Variants in DLGAP1 observed in about 807,000 individuals in gnomAD.
DLGAP1 encodes DLG associated protein 1.
Under a neutral mutation model 90.8 loss-of-function variants are expected in DLGAP1, and 11 were observed. That is an observed-to-expected ratio of 0.12 (90% CI 0.08 to 0.20). The LOEUF is 0.20. Ranked by LOEUF, DLGAP1 falls within the 10% of genes least tolerant of loss-of-function variation. The pLI is 1.00. For synonymous variants in DLGAP1, 558 were observed against 540.7 expected, an observed-to-expected ratio of 1.03 and a Z score of -0.44; for missense variants, 1,050 against 1,333.8, an observed-to-expected ratio of 0.79 and a Z score of 3.31.
At position 4,454,006 on chromosome 18, in the gene DLGAP1, G is replaced by GC. The variant is rs944473050; in HGVS notation, c.-267+999dup. ...GGTCGGGCTGGAGGCAAGCCCTGCA[G>GC]CCGGGGGCGAGCGCGGCACTCGGAC... On this transcript the variant is annotated intron_variant, in intron 1 of 12. Coordinates refer to ENST00000315677, the MANE Select transcript of DLGAP1 (RefSeq NM_004746.4). This position sits in a 1 kb window ranked among gnomAD's most constrained non-coding sequence, Gnocchi z 4.7. 3.5e-4 allele frequency among the ~76,000 whole-genome samples: 54 copies of GC among 152,228 alleles called. 1 individual carries two copies. The highest frequency in any genetic ancestry group is 3.2e-3 in the Admixed American group (49 of 15,290).
chr18:4,122,502 G>A (rs1043052208), intron 2 of DLGAP1, among the ~76,000 whole-genome samples: 8 of 152,192 alleles, frequency 5.3e-5, no homozygotes, highest in African/African-American at 1.7e-4. Flanking sequence ...TAGTCATGAG[G>A]TCTAACCTCA....
intron 2 of DLGAP1, among the ~76,000 whole-genome samples, chr18:4,100,939 G>A (rs1419144741): frequency 1.3e-5 from 2 of 152,118 alleles, no homozygotes; most frequent in Non-Finnish European, 2.9e-5. Context: ...TTGGCTTAAG[G>A]GAATGTTGTG....
At position 4,412,794 on chromosome 18, in the gene DLGAP1, A is replaced by G. The variant is rs373819899; in HGVS notation, c.-267+42212T>C. ...CAGAGAAGTGAACACGATAGAGTAT[A>G]GATTCCAGGATACACAAAGGCCAGC... On this transcript the variant is annotated intron_variant, in intron 1 of 12. Transcript: ENST00000315677. Among the ~76,000 whole-genome samples, 12 of 152,228 alleles carry G rather than the reference A, an allele frequency of 7.9e-5. No individual in the cohort carries two copies. The East Asian group carries it at 1.5e-3, about 20-fold the overall frequency.
rs775681666 is a variant in DLGAP1, at chr18:3,827,028, T to C, written c.958-12755A>G. ...AGGACTGAATTCCCATTAGCTGAGA[T>C]GACAAGGCCTAAAGAAGGAGTAGAC... On this transcript the variant is annotated intron_variant, in intron 4 of 12. Transcript: ENST00000315677. Among the ~76,000 whole-genome samples, 12 of 152,282 alleles carry C rather than the reference T, an allele frequency of 7.9e-5. 1 individual carries two copies. The highest frequency in any genetic ancestry group is 1.9e-4 in the East Asian group (1 of 5,184).
chr18:4,312,993 T>C (rs540582789), intron 1 of DLGAP1, among the ~76,000 whole-genome samples: 2 of 152,320 alleles, frequency 1.3e-5, no homozygotes, highest in South Asian at 4.1e-4. Flanking sequence ...TATTGTGTCC[T>C]CATTTTACTT....
intron 7 of DLGAP1, among the ~76,000 whole-genome samples, chr18:3,586,205 T>TC (rs531654738): frequency 2.6e-5 from 4 of 151,212 alleles, no homozygotes; most frequent in East Asian, 1.9e-4. Flanking sequence ...GATTTTGAGA[T>TC]CCCCCCCAAC....
intron 3 of DLGAP1, among the ~76,000 whole-genome samples, chr18:3,982,592 C>G (rs999256727): frequency 2.0e-5 from 3 of 152,072 alleles, no homozygotes; most frequent in Non-Finnish European, 2.9e-5. Context: ...CATGGGATAG[C>G]CTGTGATCAG....
intron 8 of DLGAP1, chr18:3,580,840 G>A (rs540221801): frequency 2.8e-6 from 4 of 1,411,350 alleles, no homozygotes; most frequent in Non-Finnish European, 2.9e-6. Flanking sequence ...AAAATAAAAG[G>A]CTCTGCCCCC....
At chr18:3,951,740 G>A (rs2072989730) in intron 3 of DLGAP1, among the ~76,000 whole-genome samples, 1 of 152,280 alleles carries the variant, frequency 6.6e-6, no homozygotes, top group African/African-American at 2.4e-5. Context: ...TAGTGAGCAA[G>A]TTCTTAAGAG....
At chr18:3,506,342 T>C (rs1423432410) in intron 11 of DLGAP1, among the ~76,000 whole-genome samples, 1 of 151,562 alleles carries the variant, frequency 6.6e-6, no homozygotes, top group Non-Finnish European at 1.5e-5. Context: ...GGAGAAACCC[T>C]GTCTCTACTA....
At chr18:4,219,562 T>TA (rs1467888905) in intron 1 of DLGAP1, among the ~76,000 whole-genome samples, 1 of 152,078 alleles carries the variant, frequency 6.6e-6, no homozygotes, top group African/African-American at 2.4e-5. Flanking sequence ...AGACCAATGT[T>TA]ACGGAGATTT....
chr18:3,757,124 A>G (rs1406579015), intron 5 of DLGAP1, among the ~76,000 whole-genome samples: 3 of 152,090 alleles, frequency 2.0e-5, no homozygotes, highest in Non-Finnish European at 4.4e-5. Flanking sequence ...AGATACTGCA[A>G]GGAGGCCAGA....
chr18:4,037,821 A>G (rs2074913825), intron 2 of DLGAP1, among the ~76,000 whole-genome samples: 1 of 152,150 alleles, frequency 6.6e-6, no homozygotes, highest in Admixed American at 6.5e-5. Context: ...TTGGCTGGGT[A>G]TCTTGGTGCA....
intron 7 of DLGAP1, among the ~76,000 whole-genome samples, chr18:3,688,091 A>T (rs2060764200): frequency 6.6e-6 from 1 of 152,020 alleles, no homozygotes; most frequent in African/African-American, 2.4e-5. Context: ...ATTTTGTTTT[A>T]GTAGAGACGC....
chr18:4,072,129 C>T (rs943208532), intron 2 of DLGAP1, among the ~76,000 whole-genome samples: 50 of 152,060 alleles, frequency 3.3e-4, no homozygotes, highest in Middle Eastern at 3.2e-3. Flanking sequence ...CAGGTAGCAT[C>T]GGTTCTGTGT....
intron 1 of DLGAP1, among the ~76,000 whole-genome samples, chr18:4,422,514 A>C (rs922356934): frequency 6.6e-6 from 1 of 152,060 alleles, no homozygotes; most frequent in African/African-American, 2.4e-5. Context: ...TAAAAAGTGA[A>C]TATATTTGTT....
At chr18:3,825,946 A>C (rs2067687678) in intron 4 of DLGAP1, among the ~76,000 whole-genome samples, 1 of 152,138 alleles carries the variant, frequency 6.6e-6, no homozygotes, top group South Asian at 2.1e-4. Context: ...ATGCAGCCAT[A>C]AAAAAAGAAC....
At chr18:4,325,640 C>T (rs748767835) in intron 1 of DLGAP1, among the ~76,000 whole-genome samples, 1 of 152,148 alleles carries the variant, frequency 6.6e-6, no homozygotes, top group Admixed American at 6.5e-5. Context: ...GTAACCAAAA[C>T]AGCATGGTAC....
intron 3 of DLGAP1, among the ~76,000 whole-genome samples, chr18:3,948,765 CAG>C (rs762257487): frequency 2.0e-5 from 3 of 151,896 alleles, no homozygotes; most frequent in Non-Finnish European, 4.4e-5. Context: ...TTGGGGGACT[CAG>C]GGGAAAGGGT....
Sources: gnomAD v4.1 joint callset for allele counts (sites outside exome capture counted in the v4.1 genomes callset) on GRCh38, gnomAD v4.1.1 for gene constraint, Gnocchi (gnomAD v3.1) non-coding constraint, MANE v1.5 for transcripts, NCBI Gene and HGNC (gene_info 2026-07-23, HGNC 2026-07-21) for gene names.